The following RGS17 variants were observed in gnomAD, a reference collection of about 807,000 sequenced individuals.
RGS17 encodes the protein regulator of G protein signaling 17, also known as regulator of G-protein signaling 17.
In RGS17, 12 loss-of-function variants were observed where a neutral mutation model predicts 25.5. The observed-to-expected ratio is 0.47, with a 90% CI of 0.30 to 0.76. The LOEUF (loss-of-function observed/expected upper bound fraction) is 0.76, where lower values mean the gene tolerates loss of function less well. Among genes scored for constraint, RGS17 ranks in the 30% least tolerant of loss-of-function variants. The pLI is 0.07. For synonymous variants in RGS17, 71 were observed against 76.9 expected (o/e 0.92, Z 0.40); for missense variants, 196 against 242.2 (o/e 0.81, Z 1.27).
intron 1 of RGS17, among the ~76,000 whole-genome samples, chr6:153,103,708 T>C (rs1777339895): frequency 6.6e-6 from 1 of 152,244 alleles, no homozygotes; most frequent in African/African-American, 2.4e-5. Flanking sequence ...AAAATGTATC[T>C]TATCTTTTCT....
chr6:153,090,753 C>T (rs781442307), intron 1 of RGS17, among the ~76,000 whole-genome samples: 1 of 152,192 alleles, frequency 6.6e-6, no homozygotes, highest in Non-Finnish European at 1.5e-5. Context: ...CTTTGTCCAG[C>T]GTGTCCATGC....
At chr6:153,100,297 A>T (rs1350295887) in intron 1 of RGS17, among the ~76,000 whole-genome samples, 1 of 152,190 alleles carries the variant, frequency 6.6e-6, no homozygotes, top group Non-Finnish European at 1.5e-5. Flanking sequence ...ACTCCTATTC[A>T]TCACATAGTT....
chr6:153,059,281 G>A (rs558839563), intron 1 of RGS17, among the ~76,000 whole-genome samples: 75 of 152,232 alleles, frequency 4.9e-4, no homozygotes, highest in African/African-American at 1.6e-3. Context: ...TCTATTGGTC[G>A]CATTTAAAAG....
In RGS17 at chr6:153,006,141, G is replaced by A. The variant is rs983256465; in HGVS notation, c.*5433C>T. 1 of 152,106 alleles carries A rather than the reference G, an allele frequency of 6.6e-6. No homozygotes were observed. Among genetic ancestry groups the A allele is most frequent in the East Asian group, 1.9e-4 (1 of 5,196 alleles). 9.4% of individuals were successfully genotyped at this position (152,106 alleles called of 1,614,324 possible). A position where few individuals can be genotyped will look rare whatever the true frequency, so the allele number is the denominator to read the frequency against. On this transcript the variant is annotated 3_prime_UTR_variant, in exon 5 of 5. Transcript: ENST00000206262. Reference sequence around the variant, plus strand: ...GCTGGGATTGTATGCGTGAGCCACCGTGCCTGGCCCATTACCACCTTTTAT... The same window carrying A: ...GCTGGGATTGTATGCGTGAGCCACCATGCCTGGCCCATTACCACCTTTTAT...
At chr6:153,092,143 G>T (rs1003971954) in intron 1 of RGS17, among the ~76,000 whole-genome samples, 1 of 152,014 alleles carries the variant, frequency 6.6e-6, no homozygotes, top group Non-Finnish European at 1.5e-5. Flanking sequence ...TTGAATTTTT[G>T]TCTTTTAAAA....
chr6:153,074,990 C>A (rs918604784), intron 1 of RGS17, among the ~76,000 whole-genome samples: 1 of 152,100 alleles, frequency 6.6e-6, no homozygotes, highest in East Asian at 1.9e-4. Context: ...CTGCCCTCCC[C>A]GGATGCTGAT....
chr6:153,092,762 C>T (rs1777150921), intron 1 of RGS17, among the ~76,000 whole-genome samples: 1 of 152,206 alleles, frequency 6.6e-6, no homozygotes, highest in Non-Finnish European at 1.5e-5. Context: ...TGTCTGATGA[C>T]TCATATAACT....
chr6:153,080,044 C>T (rs1326217502), intron 1 of RGS17, among the ~76,000 whole-genome samples: 12 of 152,022 alleles, frequency 7.9e-5, no homozygotes, highest in African/African-American at 2.4e-4. Flanking sequence ...GGCAGTGGTG[C>T]GATCTCAGCT....
intron 1 of RGS17, among the ~76,000 whole-genome samples, chr6:153,054,349 T>C (rs1188865171): frequency 6.6e-6 from 1 of 151,488 alleles, no homozygotes; most frequent in Admixed American, 6.6e-5. Flanking sequence ...AAATATTAGT[T>C]GTTAGATTTG....
At position 153,006,970 on chromosome 6, in the gene RGS17, T is replaced by G. The variant is rs1034611893; in HGVS notation, c.*4604A>C. On this transcript the variant is annotated 3_prime_UTR_variant, in exon 5 of 5. Coordinates refer to ENST00000206262, the MANE Select transcript of RGS17 (RefSeq NM_012419.5). Reference sequence around the variant, plus strand: ...TAGTAACCTTACTCATCTTATAGCTTTTGTCATAGGAAGAAAATCAGTTCC... The same window carrying G: ...TAGTAACCTTACTCATCTTATAGCTGTTGTCATAGGAAGAAAATCAGTTCC... 3 of 152,168 alleles carry G rather than the reference T, an allele frequency of 2.0e-5. No individual in the cohort carries two copies. Among genetic ancestry groups the G allele is most frequent in the Admixed American group, 6.5e-5 (1 of 15,278 alleles). 9.4% of individuals were successfully genotyped at this position (152,168 alleles called of 1,614,324 possible). A position where few individuals can be genotyped will look rare whatever the true frequency, so the allele number is the denominator to read the frequency against.
chr6:153,031,728 A>T (rs1779365635), intron 2 of RGS17, among the ~76,000 whole-genome samples: 1 of 152,210 alleles, frequency 6.6e-6, no homozygotes, highest in Non-Finnish European at 1.5e-5. Flanking sequence ...AAGGTTTGGA[A>T]AAATAAACCT....
intron 1 of RGS17, among the ~76,000 whole-genome samples, chr6:153,046,800 C>T (rs933276426): frequency 6.6e-6 from 1 of 151,964 alleles, no homozygotes; most frequent in Non-Finnish European, 1.5e-5. Flanking sequence ...AATGGATTGT[C>T]AGGAAAGTCA....
At chr6:153,023,954 A>C (rs553768435) in intron 4 of RGS17, among the ~76,000 whole-genome samples, 35 of 152,298 alleles carry the variant, frequency 2.3e-4, no homozygotes, top group African/African-American at 8.4e-4. Flanking sequence ...TACCACCCTA[A>C]AATACATTCT....
chr6:153,054,976 G>A (rs911996985), intron 1 of RGS17, among the ~76,000 whole-genome samples: 3 of 152,104 alleles, frequency 2.0e-5, no homozygotes, highest in South Asian at 2.1e-4. Context: ...CTTCTGGACC[G>A]CCCAGCAAGC....
chr6:153,059,032 G>C (rs754427075), intron 1 of RGS17, among the ~76,000 whole-genome samples: 15 of 151,958 alleles, frequency 9.9e-5, no homozygotes, highest in South Asian at 2.1e-4. Flanking sequence ...GGTGGTCACA[G>C]TCTGGCTCCA....
intron 1 of RGS17, among the ~76,000 whole-genome samples, chr6:153,064,304 C>T (rs1021018605): frequency 6.6e-6 from 1 of 151,958 alleles, no homozygotes; most frequent in Non-Finnish European, 1.5e-5. Flanking sequence ...ATAGACAGTA[C>T]AATAAGATAT....
Position 153,111,836 on chromosome 6 carries a change from A to T in RGS17, c.-26+19288T>A, listed in dbSNP as rs368370167. Among the ~76,000 whole-genome samples, 16 of 152,140 alleles carry T rather than the reference A, an allele frequency of 1.1e-4. 1 individual carries two copies. Among genetic ancestry groups the T allele is most frequent in the African/African-American group, 3.6e-4 (15 of 41,450 alleles). ...TGGACCTCCTGTAAACTCCAGCAGC[A>T]GGGGGGCCTGACTGTTAGAAGCAAA... On this transcript the variant is annotated intron_variant, in intron 1 of 4. Transcript: ENST00000206262.
intron 4 of RGS17, among the ~76,000 whole-genome samples, chr6:153,021,355 T>C (rs1000724725): frequency 1.3e-5 from 2 of 152,164 alleles, no homozygotes; most frequent in Non-Finnish European, 2.9e-5. Context: ...AGTAATGTAT[T>C]GTGGCTGATT....
chr6:153,088,397 T>C (rs779663416), intron 1 of RGS17, among the ~76,000 whole-genome samples: 1 of 152,180 alleles, frequency 6.6e-6, no homozygotes, highest in Non-Finnish European at 1.5e-5. Context: ...TGAACCCTTA[T>C]TTTGTTACTC....
Sources: allele counts gnomAD v4.1 joint callset (sites outside exome capture counted in the v4.1 genomes callset), GRCh38; gene constraint gnomAD v4.1.1; transcripts MANE v1.5; gene names NCBI Gene and HGNC (gene_info 2026-07-23, HGNC 2026-07-21).